RNF213: variants seen among roughly 807,000 people sequenced by gnomAD.
The protein encoded by RNF213 is ring finger protein 213.
Under a neutral mutation model 514.4 loss-of-function variants are expected in RNF213, and 341 were observed. The observed-to-expected ratio is 0.66, with a 90% confidence interval of 0.61 to 0.73. The LOEUF (loss-of-function observed/expected upper bound fraction) is 0.73. RNF213 is among the 30% of genes least tolerant of loss of function. The pLI is 0.00. For missense variants in RNF213, 5,767 were observed against 6,615.6 expected, an observed-to-expected ratio of 0.87 and a Z score of 4.45; for synonymous variants, 2,655 against 2,658.2, an observed-to-expected ratio of 1.00 and a Z score of 0.04.
In RNF213 at chr17:80,379,835, T is replaced by C. The variant is rs184062025; in HGVS notation, c.13640+121T>C. On this transcript the variant is annotated intron_variant, in intron 55 of 67. Transcript: ENST00000582970. ...AATTACTCCAGTACATGTGGGCCTG[T>C]GTCATATTGAATAGCAATGCCAAAG... 4.4e-4 allele frequency: 363 copies of C among 824,040 alleles called. 1 individual carries two copies. The highest frequency in any genetic ancestry group is 7.4e-4 in the South Asian group (52 of 70,186). The allele number at this position is 824,040 out of a possible 1,614,324, so 51.0% of individuals were successfully genotyped here.
chr17:80,286,666 G>A (rs1194437924), intron 3 of RNF213, among the ~76,000 whole-genome samples: 1 of 152,120 alleles, frequency 6.6e-6, no homozygotes, highest in East Asian at 1.9e-4. Flanking sequence ...GGTCTTCCCA[G>A]GTATGTGGGT....
At chr17:80,315,646 A>ATGGAGGTGATGGTGGTGGTAC (rs2045889055) in intron 15 of RNF213, 2 of 70,368 alleles carry the variant, frequency 2.8e-5, no homozygotes, top group African/African-American at 1.4e-4. Context: ...GGTGGTGGTA[A>ATGGAGGTGATGGTGGTGGTAC]TGGAGGTGAT....
chr17:80,373,874 G>A (rs575570715), intron 49 of RNF213, among the ~76,000 whole-genome samples: 1 of 152,230 alleles, frequency 6.6e-6, no homozygotes, highest in Admixed American at 6.5e-5. Flanking sequence ...ATGATGGTGG[G>A]TGCTTGTAAT....
chr17:80,367,637 C>CCA, intron 42 of RNF213, 111 bp from the exon 43 acceptor site: 2 of 793,932 alleles, frequency 2.5e-6, no homozygotes, highest in East Asian at 2.6e-5. Flanking sequence ...ACCCCACACC[C>CCA]CACACACACG....
intron 44 of RNF213, 22 bp from the exon 45 acceptor site, chr17:80,369,480 C>T (rs377102828): frequency 4.4e-4 from 702 of 1,610,068 alleles, no homozygotes; most frequent in Non-Finnish European, 5.5e-4. Flanking sequence ...ATCCACCTGT[C>T]TTCTGTTTCT....
intron 41 of RNF213, 88 bp downstream of exon 41, chr17:80,363,878 G>T (rs1599137678): frequency 2.3e-6 from 3 of 1,317,104 alleles, no homozygotes; most frequent in South Asian, 2.5e-5. Flanking sequence ...ATGAGAAGAC[G>T]GGCAGGTGCT....
At chr17:80,295,070 G>C in intron 9 of RNF213, 67 bp downstream of exon 9, 1 of 1,592,204 alleles carries the variant, frequency 6.3e-7, no homozygotes, top group South Asian at 1.1e-5. Flanking sequence ...CTAGTGGCCG[G>C]ATGACCCCTT....
chr17:80,340,774 C>T (rs1599060265), intron 26 of RNF213: 1 of 168,624 alleles, frequency 5.9e-6, no homozygotes. Context: ...GTACCCACCG[C>T]CATCCCTGGC....
chr17:80,393,181 A>G (rs918748107), intron 67 of RNF213, among the ~76,000 whole-genome samples, 164 bp from the exon 68 acceptor site: 1 of 151,754 alleles, frequency 6.6e-6, no homozygotes, highest in African/African-American at 2.4e-5. Context: ...GGGTTTCGCC[A>G]TGTTGCCCAG....
In RNF213 at chr17:80,332,114, C is replaced by T. The variant is rs890459272; in HGVS notation, c.3626C>T (p.Thr1209Met). Reference protein sequence around the residue: ...LSTSSNSQRATHYHLSSQVQE... With the variant: ...LSTSSNSQRAMHYHLSSQVQE... ...ACCTCCTCGAACTCGCAGAGGGCAACGCATTACCACCTGAGCTCCCAGGTC... is the reference window on the plus strand; with the variant it reads ...ACCTCCTCGAACTCGCAGAGGGCAATGCATTACCACCTGAGCTCCCAGGTC... Residue 1209 changes from threonine (T) to methionine (M), a missense_variant, in exon 21 of 68, where the codon ACG (threonine) becomes ATG (methionine). Thr to Met is a moderately conservative substitution (Grantham distance 81). Around this residue, in one of 13 missense-constraint regions of RNF213, gnomAD observed 516 missense variants for 566.5 expected, o/e 0.91. Coordinates refer to ENST00000582970, the MANE Select transcript of RNF213 (RefSeq NM_001256071.3). The T allele has an allele frequency of 1.8e-5, 27 of 1,537,070 alleles. No individual in the cohort carries two copies. Among genetic ancestry groups the T allele is most frequent in the Middle Eastern group, 3.3e-4 (2 of 6,012 alleles).
intron 3 of RNF213, among the ~76,000 whole-genome samples, chr17:80,284,599 AC>A (rs1199726866): frequency 3.3e-5 from 5 of 151,800 alleles, no homozygotes; most frequent in African/African-American, 1.2e-4. Context: ...GCCCAGCTCC[AC>A]CTTTCTAATC....
In RNF213 at chr17:80,320,054, C is replaced by T. The variant is rs981828224; in HGVS notation, c.3024+742C>T. The T allele has an allele frequency of 7.0e-6, 7 of 998,796 alleles. No individual in the cohort carries two copies. The African/African-American group carries it at 1.0e-4, about 15-fold the overall frequency. 61.9% of individuals were successfully genotyped at this position (998,796 alleles called of 1,614,324 possible). A position where few individuals can be genotyped will look rare whatever the true frequency, so the allele number is the denominator to read the frequency against. ...ATTGTTCGTATGCCATACGGTACAT[C>T]TGTCAAAAGTTCCAGTTCAGCAGGT... On this transcript the variant is annotated intron_variant, in intron 17 of 67. Coordinates refer to ENST00000582970, the MANE Select transcript of RNF213 (RefSeq NM_001256071.3).
chr17:80,364,487 AG>A lies in RNF213; in HGVS notation c.11807del (p.Gly3936GlufsTer13). 6.2e-7 allele frequency: 1 copy of A among 1,614,124 alleles called. No homozygotes were observed. The highest frequency in any genetic ancestry group is 8.5e-7 in the Non-Finnish European group (1 of 1,180,012). On this transcript the variant is annotated frameshift_variant, in exon 42 of 68. Transcript: ENST00000582970. LOFTEE classifies it high-confidence loss of function. The stretch of plus-strand genomic sequence containing the variant: ...CACTCTTCGTGGAGCACGTGCTCCT[AG>A]GAACCGAGAGCCGCGTCCCCGAGTT... ...TALFVEHVLL[G>X]TESRVPELQG...
chr17:80,393,262 TGAGCCACACAG>T, intron 67 of RNF213, 72 bp from the exon 68 acceptor site: 1 of 1,142,006 alleles, frequency 8.8e-7, no homozygotes. Context: ...CTTACACACG[TGAGCCACACAG>T]TGCTGGGCTT....
Position 80,376,343 on chromosome 17 carries a change from C to T in RNF213, c.13228C>T (p.Leu4410Phe), listed in dbSNP as rs1469998530. 1 of 1,614,208 alleles carries T rather than the reference C, an allele frequency of 6.2e-7. No homozygotes were observed. Among genetic ancestry groups the T allele is most frequent in the East Asian group, 2.2e-5 (1 of 44,886 alleles). The change falls in exon 52 of 68, where the codon CTT (leucine) becomes TTT (phenylalanine). Residue 4410 changes from leucine (L) to phenylalanine (F), a missense_variant. Around this residue, in one of 13 missense-constraint regions of RNF213, gnomAD observed 1,245 missense variants for 1,339.0 expected, o/e 0.93. Transcript: ENST00000582970. ...CAAATTCATTGGCGAATGCAAGATC[C>T]TTTCACCTCCTGATATCAGCCGTTT... Reference protein sequence around the residue: ...VSKFIGECKILSPPDISRFAT... With the variant: ...VSKFIGECKIFSPPDISRFAT...
At position 80,294,971 on chromosome 17, in the gene RNF213, C is replaced by A. The variant is rs2044880674; in HGVS notation, c.1723C>A (p.Leu575Met). ...TATGATTTATGAAGGACAGGCACAG[C>A]TGTGGACCGATTTGCAGTACAGGGA... Reference protein sequence around the residue: ...QPMIYEGQAQLWTDLQYREKE... With the variant: ...QPMIYEGQAQMWTDLQYREKE... Residue 575 changes from leucine to methionine, a missense_variant, in exon 9 of 68, where the codon CTG becomes ATG. Coordinates refer to ENST00000582970, the MANE Select transcript of RNF213 (RefSeq NM_001256071.3). 1 of 1,614,198 alleles carries A rather than the reference C, an allele frequency of 6.2e-7. No individual in the cohort carries two copies. Among genetic ancestry groups the A allele is most frequent in the Admixed American group, 1.7e-5 (1 of 60,024 alleles).
intron 3 of RNF213, among the ~76,000 whole-genome samples, chr17:80,276,426 T>C (rs910576966): frequency 6.6e-6 from 1 of 152,204 alleles, no homozygotes; most frequent in African/African-American, 2.4e-5. Flanking sequence ...TTTAATGTTT[T>C]AAATTTTTTT....
intron 3 of RNF213, chr17:80,278,876 A>G: frequency 2.0e-6 from 3 of 1,537,196 alleles, no homozygotes; most frequent in Non-Finnish European, 2.6e-6. Context: ...GCCCCGCTTG[A>G]GGCCGCCAGC....
At position 80,371,794 on chromosome 17, in the gene RNF213, C is replaced by CGATAGATAGATGCTCTTTTT; in HGVS notation, c.12426-79_12426-60dup. The CGATAGATAGATGCTCTTTTT allele has an allele frequency of 5.3e-6, 4 of 758,948 alleles. No homozygotes were observed. In the South Asian group the frequency reaches 5.9e-5, roughly 11 times the overall value. The allele number at this position is 758,948 out of a possible 1,614,324, so 47.0% of individuals were successfully genotyped here. On this transcript the variant is annotated intron_variant, in intron 46 of 67. Transcript: ENST00000582970. Reference sequence around the variant, plus strand: ...CACACACACACACAGGACAGACGACCGATAGATAGATGCTCTTTTTTTTAG... The same window carrying CGATAGATAGATGCTCTTTTT: ...CACACACACACACAGGACAGACGACCGATAGATAGATGCTCTTTTTGATAGATAGATGCTCTTTTTTTTAG...
Sources: gnomAD v4.1 joint callset for allele counts (sites outside exome capture counted in the v4.1 genomes callset) on GRCh38, gnomAD v4.1.1 for gene constraint, gnomAD v4.1.1 regional missense constraint, MANE v1.5 for transcripts, NCBI Gene and HGNC (gene_info 2026-07-23, HGNC 2026-07-21) for gene names.